PDE3B: variants seen among roughly 807,000 people sequenced by gnomAD.
PDE3B encodes the protein cGMP-inhibited 3',5'-cyclic phosphodiesterase 3B.
In PDE3B, 66 loss-of-function variants were observed where a neutral mutation model predicts 116.8. That is an observed-to-expected ratio of 0.56 (90% confidence interval 0.46 to 0.69). The LOEUF (loss-of-function observed/expected upper bound fraction) is 0.69, where lower values mean the gene tolerates loss of function less well. PDE3B is among the 30% of genes least tolerant of loss of function. The pLI is 0.00. For synonymous variants in PDE3B, 595 were observed against 533.6 expected, an observed-to-expected ratio of 1.12 and a Z score of -1.59; for missense variants, 1,384 against 1,368.1, an observed-to-expected ratio of 1.01 and a Z score of -0.18.
At chr11:14,672,712 T>C (rs190008516) in intron 1 of PDE3B, among the ~76,000 whole-genome samples, 149 of 152,220 alleles carry the variant, frequency 9.8e-4, no homozygotes, top group African/African-American at 3.4e-3. Context: ...TAGGACATTG[T>C]CACACTTATC....
intron 13 of PDE3B, among the ~76,000 whole-genome samples, chr11:14,860,218 T>C (rs1335751591): frequency 6.6e-6 from 1 of 152,182 alleles, no homozygotes; most frequent in African/African-American, 2.4e-5. Flanking sequence ...GGTAAAAGAT[T>C]ATCTAATACA....
chr11:14,768,992 T>G (rs1210100799), intron 1 of PDE3B, among the ~76,000 whole-genome samples: 1 of 151,490 alleles, frequency 6.6e-6, no homozygotes, highest in Non-Finnish European at 1.5e-5. Context: ...CTGCTAGCTC[T>G]TTGTGGCTTT....
chr11:14,680,245 C>CTGTT (rs963239322), intron 1 of PDE3B, among the ~76,000 whole-genome samples: 3 of 152,160 alleles, frequency 2.0e-5, no homozygotes, highest in African/African-American at 7.2e-5. Flanking sequence ...AGTTGCAATA[C>CTGTT]TGTTTGGCCC....
At chr11:14,684,874 ATGGTT>A (rs1487718819) in intron 1 of PDE3B, among the ~76,000 whole-genome samples, 19 of 151,984 alleles carry the variant, frequency 1.3e-4, no homozygotes, top group Admixed American at 1.2e-3. Flanking sequence ...GTCAGACCTT[ATGGTT>A]GTCTTCCCAT....
At chr11:14,873,301 T>C (rs11023370), downstream of PDE3B, among the ~76,000 whole-genome samples, 1 of 152,322 alleles carries the variant, frequency 6.6e-6, no homozygotes, top group East Asian at 1.9e-4. Context: ...AGTTACCTGA[T>C]ACATGAATCT....
chr11:14,710,190 G>A (rs777203566), intron 1 of PDE3B, among the ~76,000 whole-genome samples: 2 of 152,186 alleles, frequency 1.3e-5, no homozygotes, highest in Non-Finnish European at 2.9e-5. Context: ...AGAATGGTTT[G>A]TGATATTACT....
chr11:14,734,238 A>T (rs1856536889), intron 1 of PDE3B, among the ~76,000 whole-genome samples: 1 of 152,036 alleles, frequency 6.6e-6, no homozygotes, highest in Non-Finnish European at 1.5e-5. Flanking sequence ...CACTTGGCTA[A>T]TTTTTAATTT....
chr11:14,794,963 A>G (rs375642247), intron 4 of PDE3B, among the ~76,000 whole-genome samples: 2 of 152,186 alleles, frequency 1.3e-5, no homozygotes, highest in African/African-American at 4.8e-5. Flanking sequence ...GGAGTATACC[A>G]CCTTCCTTGC....
chr11:14,702,574 G>A (rs1478318806), intron 1 of PDE3B, among the ~76,000 whole-genome samples: 2 of 151,760 alleles, frequency 1.3e-5, no homozygotes, highest in Non-Finnish European at 2.9e-5. Context: ...AATACTGCTG[G>A]AGACTTTCAG....
chr11:14,825,624 C>T (rs1055949730), intron 7 of PDE3B, among the ~76,000 whole-genome samples: 1 of 151,710 alleles, frequency 6.6e-6, no homozygotes, highest in Non-Finnish European at 1.5e-5. Context: ...ACAGGAGTAC[C>T]CAGATTTATA....
intron 1 of PDE3B, among the ~76,000 whole-genome samples, chr11:14,747,943 C>T (rs770176248): frequency 5.9e-5 from 9 of 152,030 alleles, no homozygotes; most frequent in Non-Finnish European, 1.3e-4. Context: ...TTACCACATA[C>T]GTAATGACAA....
intron 1 of PDE3B, among the ~76,000 whole-genome samples, chr11:14,690,864 A>T (rs984295391): frequency 6.6e-6 from 1 of 152,184 alleles, no homozygotes; most frequent in African/African-American, 2.4e-5. Flanking sequence ...CTTTTTAAAG[A>T]AAGTGGCAGT....
chr11:14,715,466 G>C (rs1044662377), intron 1 of PDE3B, among the ~76,000 whole-genome samples: 3 of 152,060 alleles, frequency 2.0e-5, no homozygotes, highest in Non-Finnish European at 4.4e-5. Context: ...TCCTTGAAGA[G>C]GTCCTTCACG....
At position 14,703,183 on chromosome 11, in the gene PDE3B, C is replaced by A. The variant is rs2133819665; in HGVS notation, c.978+58130C>A. 2.0e-5 allele frequency among the ~76,000 whole-genome samples: 3 copies of A among 151,912 alleles called. No homozygotes were observed. In the South Asian group the frequency reaches 6.2e-4, roughly 32 times the overall value. On this transcript the variant is annotated intron_variant, in intron 1 of 15. Coordinates refer to ENST00000282096, the MANE Select transcript of PDE3B (RefSeq NM_000922.4). The stretch of plus-strand genomic sequence containing the variant: ...CCCCAGTATCCCATGGCAACTGTTA[C>A]ATTCGAGTTCCAAGCCTTTGGAGGA...
Position 14,859,043 on chromosome 11 carries a change from G to T in PDE3B, c.2521G>T (p.Ala841Ser). The change falls in exon 13 of 16, where the codon GCA (alanine) becomes TCA (serine). Residue 841 changes from alanine (A) to serine (S), a missense_variant and splice_region_variant. Physicochemically the swap from Ala to Ser is moderately conservative, Grantham distance 99. Around this residue, in one of 2 missense-constraint regions of PDE3B, gnomAD observed 428 missense variants for 561.4 expected, o/e 0.76. Transcript: ENST00000282096. ...CTCATTTTTCTATATTTCTTTTTAG[G>T]CAGTTTTATACAATGACAGATCTGT... ...AFLVATNAPQAVLYNDRSVLE... is the reference protein window; with the variant it reads ...AFLVATNAPQSVLYNDRSVLE... 6.3e-7 allele frequency: 1 copy of T among 1,597,206 alleles called. No individual in the cohort carries two copies. Among genetic ancestry groups the T allele is most frequent in the Non-Finnish European group, 8.5e-7 (1 of 1,171,416 alleles).
At chr11:14,729,446 A>G (rs1378272604) in intron 1 of PDE3B, among the ~76,000 whole-genome samples, 2 of 152,182 alleles carry the variant, frequency 1.3e-5, no homozygotes, top group Non-Finnish European at 2.9e-5. Flanking sequence ...AAATTTCTTC[A>G]ATGAGATGCT....
At chr11:14,667,828 T>TA (rs1854224614) in intron 1 of PDE3B, among the ~76,000 whole-genome samples, 2 of 110,688 alleles carry the variant, frequency 1.8e-5, no homozygotes, top group Admixed American at 1.1e-4. Flanking sequence ...CCCTAAAACT[T>TA]AAAGTATAAT....
At chr11:14,852,455 A>T (rs1374160712) in intron 12 of PDE3B, among the ~76,000 whole-genome samples, 1 of 152,220 alleles carries the variant, frequency 6.6e-6, no homozygotes, top group African/African-American at 2.4e-5. Context: ...TCACATGAAG[A>T]TAATTTAAAA....
chr11:14,898,909 C>G, the PDE3B span, among the ~76,000 whole-genome samples: 3 of 152,028 alleles, frequency 2.0e-5, no homozygotes, highest in Non-Finnish European at 4.4e-5. Flanking sequence ...AAATAATACC[C>G]CGACATATAT....
Sources: gnomAD v4.1 joint callset for allele counts (sites outside exome capture counted in the v4.1 genomes callset) on GRCh38, gnomAD v4.1.1 for gene constraint, gnomAD v4.1.1 regional missense constraint, MANE v1.5 for transcripts, NCBI Gene and HGNC (gene_info 2026-07-23, HGNC 2026-07-21) for gene names.